The following KIF20B variants were observed in gnomAD, a reference collection of about 807,000 sequenced individuals.
KIF20B encodes the protein kinesin-like protein KIF20B.
A neutral mutation model predicts 232.5 loss-of-function variants in KIF20B; 188 were observed. The ratio of observed to expected loss-of-function variants is 0.81; its 90% CI spans 0.72 to 0.91. The LOEUF (loss-of-function observed/expected upper bound fraction) is 0.91, where lower values mean the gene tolerates loss of function less well. Among genes scored for constraint, KIF20B ranks in the 40% least tolerant of loss-of-function variants. The pLI, the probability that KIF20B is intolerant of heterozygous loss-of-function variation, is 0.00. For missense variants in KIF20B, 2,154 were observed against 2,055.9 expected, an observed-to-expected ratio of 1.05 and a Z score of -0.92; for synonymous variants, 712 against 683.0, an observed-to-expected ratio of 1.04 and a Z score of -0.66.
At chr10:89,743,063 C>G (rs778479711) in intron 21 of KIF20B, among the ~76,000 whole-genome samples, 1 of 151,954 alleles carries the variant, frequency 6.6e-6, no homozygotes, top group South Asian at 2.1e-4. Flanking sequence ...AGCTCTCTAG[C>G]GAGTGTGAAA....
chr10:89,766,024 A>G (rs920408643), intron 29 of KIF20B, among the ~76,000 whole-genome samples: 29 of 151,934 alleles, frequency 1.9e-4, no homozygotes, highest in Non-Finnish European at 3.8e-4. Flanking sequence ...CGTTCTCTGT[A>G]TTTCCTGAAT....
At chr10:89,708,197 G>A (rs1234773065) in intron 2 of KIF20B, among the ~76,000 whole-genome samples, 1 of 149,660 alleles carries the variant, frequency 6.7e-6, no homozygotes, top group East Asian at 2.0e-4. Flanking sequence ...TTCTTAAAGA[G>A]TTTATGTACA....
At position 89,761,509 on chromosome 10, in the gene KIF20B, A is replaced by G. The variant is rs76194909; in HGVS notation, c.4791+873A>G. Reference sequence around the variant, plus strand: ...AAAAAAAAAGAAATGGGGTTTCACTATGTTTCTCTGGCAGCTGAACTTGAA... The same window carrying G: ...AAAAAAAAAGAAATGGGGTTTCACTGTGTTTCTCTGGCAGCTGAACTTGAA... On this transcript the variant is annotated intron_variant, in intron 28 of 32. Coordinates refer to ENST00000371728, the MANE Select transcript of KIF20B (RefSeq NM_001284259.2). Among the ~76,000 whole-genome samples the G allele has an allele frequency of 4.4e-4, 66 of 151,638 alleles. No individual in the cohort carries two copies. In the East Asian group the frequency reaches 7.7e-3, roughly 18 times the overall value.
chr10:89,753,211 G>A (rs1926138), intron 25 of KIF20B, among the ~76,000 whole-genome samples: 122,454 of 151,878 alleles, frequency 0.81, 49,876 homozygotes, highest in South Asian at 0.93. Context: ...TTTTTTTTTC[G>A]TAGGATTTAC....
At chr10:89,752,055 A>G (rs1458028266) in intron 24 of KIF20B, among the ~76,000 whole-genome samples, 1 of 152,064 alleles carries the variant, frequency 6.6e-6, no homozygotes, top group East Asian at 1.9e-4. Flanking sequence ...CATATGTACT[A>G]TTGCACATTA....
At chr10:89,720,389 T>G (rs1228857685) in intron 13 of KIF20B, among the ~76,000 whole-genome samples, 1 of 152,224 alleles carries the variant, frequency 6.6e-6, no homozygotes, top group African/African-American at 2.4e-5. Flanking sequence ...CCACATGATG[T>G]CTGATTTTTC....
At chr10:89,705,173 T>G in intron 1 of KIF20B, 121 bp from the exon 2 acceptor site, 1 of 755,854 alleles carries the variant, frequency 1.3e-6, no homozygotes. Flanking sequence ...AGCAATGTAA[T>G]GCGTTTCTTT....
intron 32 of KIF20B, among the ~76,000 whole-genome samples, chr10:89,773,169 C>CAAAT (rs1405790014): frequency 6.6e-6 from 1 of 151,674 alleles, no homozygotes; most frequent in Non-Finnish European, 1.5e-5. Context: ...CCCAAGTGTT[C>CAAAT]CTGGTAAAAA....
At chr10:89,704,459 C>T (rs1204634737) in intron 1 of KIF20B, among the ~76,000 whole-genome samples, 1 of 152,014 alleles carries the variant, frequency 6.6e-6, no homozygotes, top group African/African-American at 2.4e-5. Flanking sequence ...AACTTAAAAC[C>T]TGTGATGTGT....
In KIF20B at chr10:89,717,629, A is replaced by T. The variant is rs1296883429; in HGVS notation, c.1178A>T (p.Glu393Val). 6.2e-7 allele frequency: 1 copy of T among 1,611,618 alleles called. No individual in the cohort carries two copies. The highest frequency in any genetic ancestry group is 1.1e-5 in the South Asian group (1 of 90,782). Reference protein sequence around the residue: ...GSERTMKTQNEGERLRETGNI... With the variant: ...GSERTMKTQNVGERLRETGNI... ...GAACGAACTATGAAGACACAGAATG[A>T]AGGTGAAAGGTTAAGAGAGACTGGG... Residue 393 changes from glutamate to valine, a missense_variant, in exon 11 of 33, where the codon GAA (glutamate) becomes GTA (valine). Physicochemically the swap from Glu to Val is moderately radical, Grantham distance 121 (BLOSUM62 -2). Coordinates refer to ENST00000371728, the MANE Select transcript of KIF20B (RefSeq NM_001284259.2).
chr10:89,723,217 T>TA (rs1164627558), intron 13 of KIF20B, among the ~76,000 whole-genome samples: 1 of 152,192 alleles, frequency 6.6e-6, no homozygotes, highest in Non-Finnish European at 1.5e-5. Flanking sequence ...ATCTGTAGCT[T>TA]AGAGTTTATT....
At chr10:89,710,577 C>T (rs1471845893) in intron 5 of KIF20B, among the ~76,000 whole-genome samples, 1 of 150,300 alleles carries the variant, frequency 6.7e-6, no homozygotes, top group African/African-American at 2.5e-5. Context: ...TGTAAAAATA[C>T]TTTACCCATT....
At chr10:89,728,310 A>G (rs1199723633) in intron 17 of KIF20B, among the ~76,000 whole-genome samples, 1 of 152,188 alleles carries the variant, frequency 6.6e-6, no homozygotes, top group East Asian at 1.9e-4. Context: ...AAAATAAAAA[A>G]TTTCCCATAA....
In KIF20B at chr10:89,715,009, A is replaced by G; in HGVS notation, c.767A>G (p.Tyr256Cys). 6.2e-7 allele frequency: 1 copy of G among 1,601,748 alleles called. No homozygotes were observed. Among genetic ancestry groups the G allele is most frequent in the South Asian group, 1.1e-5 (1 of 87,668 alleles). ...ISEFEESIKD[Y>C]EQANLNMANS... ...GAGTTTGAAGAATCCATAAAAGATTATGAACAAGCCAACTTGAATATGGCT... is the reference window on the plus strand; with the variant it reads ...GAGTTTGAAGAATCCATAAAAGATTGTGAACAAGCCAACTTGAATATGGCT... The change falls in exon 8 of 33, where the codon TAT becomes TGT. Residue 256 changes from tyrosine (Y) to cysteine (C), a missense_variant. Transcript: ENST00000371728.
intron 25 of KIF20B, among the ~76,000 whole-genome samples, chr10:89,753,180 CA>C (rs1842055379): frequency 6.6e-6 from 1 of 152,036 alleles, no homozygotes; most frequent in African/African-American, 2.4e-5. Context: ...TCAGCTTTAA[CA>C]TACAACATAT....
Position 89,737,782 on chromosome 10 carries a change from CAAATA to C in KIF20B, c.2946_2950del (p.Lys983AsnfsTer12). 6.2e-7 allele frequency: 1 copy of C among 1,611,886 alleles called. No homozygotes were observed. The highest frequency in any genetic ancestry group is 8.5e-7 in the Non-Finnish European group (1 of 1,178,644). ...AAGAAGCATTACAAATAATGTTTCA[CAAATA>C]AAATTAATGCACACGAAAATAGACG... On this transcript the variant is annotated frameshift_variant, in exon 20 of 33. Transcript: ENST00000371728. LOFTEE classifies it high-confidence loss of function.
Position 89,717,565 on chromosome 10 carries a change from T to C in KIF20B, c.1125-11T>C. 1.2e-6 allele frequency: 2 copies of C among 1,600,772 alleles called. No individual in the cohort carries two copies. Among genetic ancestry groups the C allele is most frequent in the East Asian group, 2.2e-5 (1 of 44,616 alleles). Reference sequence around the variant, plus strand: ...AAGAACTTTTAAAGTACTTTTTTTTTCTTAATTCAGATTATCTTTATGTGA... The same window carrying C: ...AAGAACTTTTAAAGTACTTTTTTTTCCTTAATTCAGATTATCTTTATGTGA... On this transcript the variant is annotated splice_polypyrimidine_tract_variant and intron_variant, in intron 10 of 32. Coordinates refer to ENST00000371728, the MANE Select transcript of KIF20B (RefSeq NM_001284259.2).
chr10:89,731,851 G>A (rs1843326867), intron 18 of KIF20B, among the ~76,000 whole-genome samples: 1 of 152,164 alleles, frequency 6.6e-6, no homozygotes, highest in South Asian at 2.1e-4. Context: ...TTTGTTTAGA[G>A]ATACTAGAAA....
intron 13 of KIF20B, among the ~76,000 whole-genome samples, chr10:89,723,270 A>G (rs1265615003): frequency 6.6e-6 from 1 of 152,238 alleles, no homozygotes; most frequent in Non-Finnish European, 1.5e-5. Context: ...AACATTAAAA[A>G]GAATATGTAG....
Sources: gnomAD v4.1 joint callset for allele counts (sites outside exome capture counted in the v4.1 genomes callset) on GRCh38, gnomAD v4.1.1 for gene constraint, MANE v1.5 for transcripts, NCBI Gene and HGNC (gene_info 2026-07-23, HGNC 2026-07-21) for gene names.